Variants in ILRUN observed in about 807,000 individuals in gnomAD.
The protein encoded by ILRUN is inflammation and lipid regulator with UBA-like and NBR1-like domains, also known as protein ILRUN.
A neutral mutation model predicts 33.8 loss-of-function variants in ILRUN; 3 were observed. The ratio of observed to expected loss-of-function variants is 0.09; its 90% confidence interval spans 0.04 to 0.23. The LOEUF is 0.23. Among genes scored for constraint, ILRUN ranks in the 10% least tolerant of loss-of-function variants. The probability of loss-of-function intolerance (pLI) is 1.00; values close to 1 mark genes in which losing one functional copy is unlikely to be tolerated. For synonymous variants in ILRUN, 124 were observed against 138.9 expected, an observed-to-expected ratio of 0.89 and a Z score of 0.75; for missense variants, 210 against 375.1, an observed-to-expected ratio of 0.56 and a Z score of 3.64.
At chr6:34,649,669 G>T (rs1762623737) in intron 2 of ILRUN, among the ~76,000 whole-genome samples, 1 of 152,168 alleles carries the variant, frequency 6.6e-6, no homozygotes, top group Non-Finnish European at 1.5e-5. Flanking sequence ...ATAGTCTGGA[G>T]ACAGTAAGGA....
At chr6:34,606,388 C>A (rs956851378) in intron 4 of ILRUN, among the ~76,000 whole-genome samples, 167 bp downstream of exon 4, 2 of 151,988 alleles carry the variant, frequency 1.3e-5, no homozygotes, top group Non-Finnish European at 2.9e-5. Context: ...GCTGGGGAAA[C>A]GGGAGAAGGG....
In ILRUN at chr6:34,646,527, T is replaced by A; in HGVS notation, c.511+74A>T. 1.4e-6 allele frequency: 2 copies of A among 1,455,116 alleles called. No individual in the cohort carries two copies. The highest frequency in any genetic ancestry group is 1.9e-6 in the Non-Finnish European group (2 of 1,054,146). 90.1% of individuals were successfully genotyped at this position (1,455,116 alleles called of 1,614,324 possible). On this transcript the variant is annotated intron_variant, in intron 3 of 4. Transcript: ENST00000374023. The surrounding 1 kb of genome is among the most constrained non-coding windows in gnomAD (Gnocchi z 4.9). ...CCCTGTTATGCAATTTGACAGGCTC[T>A]GTGAGCAACACTGGGGATGTTATAA...
At chr6:34,607,792 G>A (rs910452730) in intron 3 of ILRUN, among the ~76,000 whole-genome samples, 62 of 152,166 alleles carry the variant, frequency 4.1e-4, no homozygotes, top group African/African-American at 1.4e-3. Context: ...GTAAGTATAT[G>A]TGTATCTAAA....
chr6:34,682,454 T>G (rs1485067065), intron 1 of ILRUN, among the ~76,000 whole-genome samples: 1 of 150,868 alleles, frequency 6.6e-6, no homozygotes, highest in Non-Finnish European at 1.5e-5. Flanking sequence ...GAGACACGGT[T>G]TCACCATATT....
At chr6:34,662,079 C>G (rs1208861736) in intron 1 of ILRUN, among the ~76,000 whole-genome samples, 1 of 127,926 alleles carries the variant, frequency 7.8e-6, no homozygotes, top group Non-Finnish European at 1.6e-5. Context: ...GAGCCGAGAT[C>G]GTGCCACTGC....
chr6:34,642,912 G>C (rs1762501342), intron 3 of ILRUN, among the ~76,000 whole-genome samples: 1 of 147,976 alleles, frequency 6.8e-6, no homozygotes, highest in South Asian at 2.2e-4. Context: ...AGGATCACTT[G>C]AGCCAAGGAC....
rs543153933 is a variant in ILRUN at position 34,601,311 on chromosome 6, G to A, written c.861+5244C>T. 7.2e-5 allele frequency among the ~76,000 whole-genome samples: 11 copies of A among 152,348 alleles called. No homozygotes were observed. The South Asian group carries it at 2.3e-3, about 32-fold the overall frequency. On this transcript the variant is annotated intron_variant, in intron 4 of 4. Coordinates refer to ENST00000374023, the MANE Select transcript of ILRUN (RefSeq NM_024294.4). ...ATGTTCTTTCATTGGCATGAGAATA[G>A]TGTGTTCTCACTACCTGTTCCTTGC...
intron 1 of ILRUN, among the ~76,000 whole-genome samples, chr6:34,688,319 G>C (rs892300079): frequency 4.0e-5 from 6 of 150,666 alleles, no homozygotes; most frequent in Non-Finnish European, 7.4e-5. Flanking sequence ...TGGGAGGATG[G>C]ATTGAGCCCA....
At chr6:34,677,269 T>C (rs1057455066) in intron 1 of ILRUN, among the ~76,000 whole-genome samples, 2 of 151,970 alleles carry the variant, frequency 1.3e-5, no homozygotes, top group South Asian at 4.2e-4. Flanking sequence ...ATCACGCCAC[T>C]GCACTCCAGC....
chr6:34,637,462 A>C (rs1485571837), intron 3 of ILRUN, among the ~76,000 whole-genome samples: 1 of 152,212 alleles, frequency 6.6e-6, no homozygotes, highest in African/African-American at 2.4e-5. Context: ...CAGACTAAAG[A>C]AGCTTCTGTT....
chr6:34,696,133 G>A (rs540505471), intron 1 of ILRUN, among the ~76,000 whole-genome samples: 10 of 151,892 alleles, frequency 6.6e-5, no homozygotes, highest in Non-Finnish European at 1.2e-4. Context: ...TACCCACTAT[G>A]CCTGGATGCC....
Position 34,646,706 on chromosome 6 carries a change from G to A in ILRUN, c.406C>T (p.Pro136Ser), listed in dbSNP as rs1311834951. The A allele has an allele frequency of 3.7e-6, 6 of 1,613,974 alleles. No homozygotes were observed. Among genetic ancestry groups the A allele is most frequent in the Non-Finnish European group, 4.2e-6 (5 of 1,180,038 alleles). Reference sequence around the variant, plus strand: ...ACGCTGACATCTGCAATCTCTTGGGGCTCTAGCGATCTCACCATCACCATG... The same window carrying A: ...ACGCTGACATCTGCAATCTCTTGGGACTCTAGCGATCTCACCATCACCATG... ...VNMVMVRSLEPQEIADVSVQM... is the reference protein window; with the variant it reads ...VNMVMVRSLESQEIADVSVQM... Residue 136 changes from proline to serine, a missense_variant, in exon 3 of 5, where the codon CCC becomes TCC. Coordinates refer to ENST00000374023, the MANE Select transcript of ILRUN (RefSeq NM_024294.4). This position sits in a 1 kb window ranked among gnomAD's most constrained non-coding sequence, Gnocchi z 4.9.
chr6:34,614,369 C>G (rs976228953), intron 3 of ILRUN, among the ~76,000 whole-genome samples: 1 of 149,968 alleles, frequency 6.7e-6, no homozygotes, highest in African/African-American at 2.5e-5. Flanking sequence ...TTGTAGTGAG[C>G]AGAGGCCACG....
At position 34,646,906 on chromosome 6, in the gene ILRUN, C is replaced by G. The variant is rs1267504671; in HGVS notation, c.314-108G>C. 4.2e-6 allele frequency: 4 copies of G among 953,862 alleles called. No homozygotes were observed. The highest frequency in any genetic ancestry group is 6.5e-6 in the Non-Finnish European group (4 of 617,266). The allele number at this position is 953,862 out of a possible 1,614,324, so 59.1% of individuals were successfully genotyped here. On this transcript the variant is annotated intron_variant, in intron 2 of 4. Transcript: ENST00000374023. The surrounding 1 kb of genome is among the most constrained non-coding windows in gnomAD (Gnocchi z 4.9). ...CCTCTTTCTTTTTCTCACATACATACATAAACCTAACCACATATACCTAAG... is the reference window on the plus strand; with the variant it reads ...CCTCTTTCTTTTTCTCACATACATAGATAAACCTAACCACATATACCTAAG...
At chr6:34,615,306 G>A (rs566261092) in intron 3 of ILRUN, among the ~76,000 whole-genome samples, 2 of 152,270 alleles carry the variant, frequency 1.3e-5, no homozygotes, top group African/African-American at 4.8e-5. Flanking sequence ...AGGTAAAACT[G>A]CAACAGAGGC....
chr6:34,622,345 T>C (rs1762028511), intron 3 of ILRUN, among the ~76,000 whole-genome samples: 1 of 152,120 alleles, frequency 6.6e-6, no homozygotes, highest in African/African-American at 2.4e-5. Flanking sequence ...ATATCTCAAA[T>C]ATATAAAGAA....
At chr6:34,638,120 T>G (rs750688046) in intron 3 of ILRUN, among the ~76,000 whole-genome samples, 49 of 152,138 alleles carry the variant, frequency 3.2e-4, no homozygotes, top group Non-Finnish European at 5.9e-4. Context: ...GCTCCTGGGC[T>G]CAGGCAATCC....
chr6:34,614,155 G>A (rs1367031747), intron 3 of ILRUN, among the ~76,000 whole-genome samples: 1 of 152,116 alleles, frequency 6.6e-6, no homozygotes. Context: ...GGGTGCGGTG[G>A]CTCACGCCTA....
intron 1 of ILRUN, among the ~76,000 whole-genome samples, chr6:34,668,491 C>T (rs2815004): frequency 0.45 from 67,607 of 151,902 alleles, 17,065 homozygotes; most frequent in African/African-American, 0.7. Flanking sequence ...ACATGCATAA[C>T]AGACTGAGAT....
Sources: gnomAD v4.1 joint callset for allele counts (sites outside exome capture counted in the v4.1 genomes callset) on GRCh38, gnomAD v4.1.1 for gene constraint, Gnocchi (gnomAD v3.1) non-coding constraint, MANE v1.5 for transcripts, NCBI Gene and HGNC (gene_info 2026-07-23, HGNC 2026-07-21) for gene names.